Variants in MAPT observed in about 807,000 individuals in gnomAD.
MAPT encodes the protein microtubule associated protein tau, also known as microtubule-associated protein tau.
MAPT carries 34 observed loss-of-function variants against 67.9 expected under a neutral mutation model. That is an observed-to-expected ratio of 0.50 (90% confidence interval 0.38 to 0.67). The LOEUF (loss-of-function observed/expected upper bound fraction) is 0.67, where lower values mean the gene tolerates loss of function less well. Ranked by LOEUF, MAPT falls within the 30% of genes least tolerant of loss-of-function variation. The pLI is 0.00. For synonymous variants in MAPT, 456 were observed against 464.5 expected, an observed-to-expected ratio of 0.98 and a Z score of 0.23; for missense variants, 881 against 1,115.2, an observed-to-expected ratio of 0.79 and a Z score of 2.99.
intron 1 of MAPT, among the ~76,000 whole-genome samples, chr17:45,919,957 C>A (rs1452026923): frequency 1.3e-5 from 2 of 152,128 alleles, no homozygotes; most frequent in East Asian, 3.9e-4. Flanking sequence ...AAGGGGGCTC[C>A]AGGTGGGCTT....
chr17:46,018,603 T>C lies in MAPT; in HGVS notation c.2174-15T>C. 6.5e-7 allele frequency: 1 copy of C among 1,536,016 alleles called. No individual in the cohort carries two copies. Among genetic ancestry groups the C allele is most frequent in the Non-Finnish European group, 9.0e-7 (1 of 1,108,934 alleles). ...AAGATGATGGCAAGATGCTCTTGTG[T>C]GTGTTGTGTTCTAGGAGGTGGCCAG... On this transcript the variant is annotated splice_polypyrimidine_tract_variant and intron_variant, in intron 11 of 12. Coordinates refer to ENST00000262410, the MANE Select transcript of MAPT (RefSeq NM_001377265.1).
intron 1 of MAPT, among the ~76,000 whole-genome samples, chr17:45,949,704 A>G (rs1315716492): frequency 2.0e-5 from 3 of 152,092 alleles, no homozygotes; most frequent in Non-Finnish European, 2.9e-5. Context: ...TAATAATCCA[A>G]AACTGGCAAG....
chr17:45,962,248 C>A, intron 1 of MAPT, 73 bp from the exon 2 acceptor site: 2 of 1,259,764 alleles, frequency 1.6e-6, no homozygotes, highest in South Asian at 1.3e-5. Context: ...GGAGGAGAGG[C>A]TCCTCTCTCT....
At chr17:45,988,084 G>A (rs187121023) in intron 6 of MAPT, among the ~76,000 whole-genome samples, 35 of 152,278 alleles carry the variant, frequency 2.3e-4, no homozygotes, top group Non-Finnish European at 2.9e-4. Flanking sequence ...GAGAGGGGCC[G>A]TGTGCAGCGA....
intron 3 of MAPT, chr17:45,977,506 G>A (rs972097567): frequency 6.6e-6 from 1 of 152,210 alleles, no homozygotes; most frequent in African/African-American, 2.4e-5. Context: ...TTTTTTTCTG[G>A]ACAATTGCGT....
At chr17:45,990,246 C>T (rs1212203975) in intron 7 of MAPT, among the ~76,000 whole-genome samples, 171 bp downstream of exon 7, 1 of 152,176 alleles carries the variant, frequency 6.6e-6, no homozygotes, top group Non-Finnish European at 1.5e-5. Context: ...GAGCTGGGGG[C>T]CATCCCTCTC....
intron 1 of MAPT, among the ~76,000 whole-genome samples, chr17:45,948,334 C>G (rs377106304): frequency 1.3e-5 from 2 of 152,130 alleles, no homozygotes; most frequent in Non-Finnish European, 2.9e-5. Context: ...TAGTTGCACT[C>G]GCTCCCCGCT....
At chr17:45,940,728 C>G (rs568331067) in intron 1 of MAPT, among the ~76,000 whole-genome samples, 3 of 152,116 alleles carry the variant, frequency 2.0e-5, no homozygotes, top group Non-Finnish European at 4.4e-5. Flanking sequence ...TTGCCAAAGT[C>G]TCAGGGACAC....
chr17:45,941,717 T>TCCTTCCTGCCTTCCTTCCTG (rs2067992317), intron 1 of MAPT, among the ~76,000 whole-genome samples: 2 of 88,380 alleles, frequency 2.3e-5, no homozygotes, highest in African/African-American at 1.0e-4. Context: ...CTTCCTTCCT[T>TCCTTCCTGCCTTCCTTCCTG]CCTTCCTTCC....
intron 1 of MAPT, among the ~76,000 whole-genome samples, chr17:45,920,197 T>C (rs2065564416): frequency 6.6e-6 from 1 of 152,164 alleles, no homozygotes; most frequent in Non-Finnish European, 1.5e-5. Flanking sequence ...GTTTTTCTTT[T>C]GTTTGGGGGG....
intron 1 of MAPT, among the ~76,000 whole-genome samples, chr17:45,950,387 A>G (rs62062800): frequency 0.14 from 21,806 of 152,168 alleles, 2,134 homozygotes; most frequent in Non-Finnish European, 0.22. Context: ...ACTCTGCTGC[A>G]AAGACTCTAT....
intron 1 of MAPT, among the ~76,000 whole-genome samples, chr17:45,946,537 T>G (rs2068493590): frequency 6.9e-6 from 1 of 145,748 alleles, no homozygotes; most frequent in African/African-American, 2.6e-5. Context: ...AGGTAGAGGT[T>G]GCAGTGAGCC....
At chr17:45,894,924 T>TC (rs2063058917) in intron 1 of MAPT, 1 of 151,976 alleles carries the variant, frequency 6.6e-6, no homozygotes, top group South Asian at 2.1e-4. Context: ...TGCTGGAGGG[T>TC]CTTCACCACC....
chr17:45,953,443 T>C (rs931189842), intron 1 of MAPT, among the ~76,000 whole-genome samples: 1 of 152,242 alleles, frequency 6.6e-6, no homozygotes, highest in Non-Finnish European at 1.5e-5. Flanking sequence ...AGAAGGTCCA[T>C]GAACCTACGA....
At position 46,025,256 on chromosome 17, in the gene MAPT, TG is replaced by T; in HGVS notation, c.*1090del. On this transcript the variant is annotated 3_prime_UTR_variant, in exon 13 of 13. Coordinates refer to ENST00000262410, the MANE Select transcript of MAPT (RefSeq NM_001377265.1). ...GGGCCACTGGCATCTCTGGAGTGTG[TG>T]GGGGTCTGGGAGGCAGGTCCCGAGC... 6.5e-6 allele frequency: 1 copy of T among 152,878 alleles called. No homozygotes were observed. The highest frequency in any genetic ancestry group is 2.1e-4 in the South Asian group (1 of 4,822). The allele number at this position is 152,878 out of a possible 1,614,324, so 9.5% of individuals were successfully genotyped here. A position where few individuals can be genotyped will look rare whatever the true frequency, so the allele number is the denominator to read the frequency against.
At chr17:45,914,956 A>G (rs1330854207) in intron 1 of MAPT, among the ~76,000 whole-genome samples, 2 of 151,956 alleles carry the variant, frequency 1.3e-5, no homozygotes, top group East Asian at 1.9e-4. Flanking sequence ...GACTCAAGCA[A>G]TCCTCCTGCC....
At chr17:46,017,443 T>TTTTTTTTTTTTTTTTTTTC in intron 11 of MAPT, among the ~76,000 whole-genome samples, 1 of 17,558 alleles carries the variant, frequency 5.7e-5, no homozygotes, top group Non-Finnish European at 1.6e-4. Context: ...CTGGCTAATT[T>TTTTTTTTTTTTTTTTTTTC]TTTTTTTTTT....
intron 1 of MAPT, among the ~76,000 whole-genome samples, chr17:45,909,075 A>C (rs1053172911): frequency 2.6e-5 from 4 of 152,222 alleles, no homozygotes; most frequent in African/African-American, 9.6e-5. Flanking sequence ...CGGGAGCTGC[A>C]GAGTGCGGGC....
chr17:45,905,860 C>T (rs952407550), intron 1 of MAPT, among the ~76,000 whole-genome samples: 1 of 152,268 alleles, frequency 6.6e-6, no homozygotes, highest in Non-Finnish European at 1.5e-5. Context: ...TTGAGCTTCT[C>T]AGAAGTGCTG....
Sources: gnomAD v4.1 joint callset for allele counts (sites outside exome capture counted in the v4.1 genomes callset) on GRCh38, gnomAD v4.1.1 for gene constraint, MANE v1.5 for transcripts, NCBI Gene and HGNC (gene_info 2026-07-23, HGNC 2026-07-21) for gene names.